MRTFA: variants seen among roughly 807,000 people sequenced by gnomAD.
The protein encoded by MRTFA is myocardin related transcription factor A, also known as myocardin-related transcription factor A.
MRTFA carries 20 observed loss-of-function variants against 83.5 expected under a neutral mutation model. The observed-to-expected ratio is 0.24, with a 90% CI of 0.17 to 0.35. The LOEUF (loss-of-function observed/expected upper bound fraction) is 0.35, where lower values mean the gene tolerates loss of function less well. Among genes scored for constraint, MRTFA ranks in the 10% least tolerant of loss-of-function variants. MRTFA has a pLI of 1.00. For missense variants in MRTFA, 1,200 were observed against 1,224.7 expected (o/e 0.98, Z 0.30); for synonymous variants, 659 against 541.2 (o/e 1.22, Z -3.02).
chr22:40,624,143 T>C (rs929220931), intron 1 of MRTFA, among the ~76,000 whole-genome samples: 6 of 152,016 alleles, frequency 3.9e-5, no homozygotes, highest in Non-Finnish European at 8.8e-5. Context: ...AAAAAGATTG[T>C]CCAGGCACAG....
chr22:40,495,196 A>C (rs1309762583), intron 3 of MRTFA, among the ~76,000 whole-genome samples: 1 of 150,166 alleles, frequency 6.7e-6, no homozygotes, highest in Non-Finnish European at 1.5e-5. Context: ...CAATACAGTG[A>C]GACCCCGTCT....
At chr22:40,533,437 T>C (rs551233066) in intron 3 of MRTFA, among the ~76,000 whole-genome samples, 1 of 152,286 alleles carries the variant, frequency 6.6e-6, no homozygotes, top group East Asian at 1.9e-4. Flanking sequence ...AGAGAAAAAT[T>C]AATAAAAAAC....
intron 4 of MRTFA, among the ~76,000 whole-genome samples, chr22:40,453,415 C>T (rs1017175207): frequency 1.3e-5 from 2 of 152,174 alleles, no homozygotes; most frequent in African/African-American, 2.4e-5. Context: ...GGCAGAGGGC[C>T]AACTGCAAGG....
chr22:40,427,049 C>T (rs1005139478), intron 7 of MRTFA, among the ~76,000 whole-genome samples: 32 of 152,192 alleles, frequency 2.1e-4, no homozygotes, highest in African/African-American at 7.0e-4. Context: ...ATCAGACCTA[C>T]GTGAATTCTT....
intron 3 of MRTFA, among the ~76,000 whole-genome samples, chr22:40,502,665 G>A (rs1471071591): frequency 6.6e-6 from 1 of 150,644 alleles, no homozygotes; most frequent in Non-Finnish European, 1.5e-5. Context: ...GCCGGGCAGA[G>A]GCTGCAATCT....
At chr22:40,457,437 AG>A (rs2053607321) in intron 4 of MRTFA, among the ~76,000 whole-genome samples, 2 of 6,902 alleles carry the variant, frequency 2.9e-4, no homozygotes, top group African/African-American at 9.6e-4. Flanking sequence ...AGAAAGAAAG[AG>A]AAAGAAAGAA....
intron 3 of MRTFA, among the ~76,000 whole-genome samples, chr22:40,476,321 A>G (rs1569286811): frequency 6.6e-6 from 1 of 152,120 alleles, no homozygotes; most frequent in East Asian, 1.9e-4. Context: ...GAGAAGACAG[A>G]TGTCTCTGTG....
At chr22:40,577,273 TATA>T (rs2055881756) in intron 2 of MRTFA, among the ~76,000 whole-genome samples, 1 of 144,670 alleles carries the variant, frequency 6.9e-6, no homozygotes, top group Non-Finnish European at 1.5e-5. Context: ...AAAAAAAGAC[TATA>T]ATGAGATTGA....
intron 3 of MRTFA, among the ~76,000 whole-genome samples, chr22:40,551,124 C>T (rs1602418152): frequency 6.6e-6 from 1 of 151,758 alleles, no homozygotes; most frequent in Non-Finnish European, 1.5e-5. Context: ...GCATGAGTCA[C>T]CGTGCCCAGC....
chr22:40,574,946 G>C (rs1287872220), intron 2 of MRTFA, among the ~76,000 whole-genome samples: 1 of 152,156 alleles, frequency 6.6e-6, no homozygotes, highest in Non-Finnish European at 1.5e-5. Flanking sequence ...GGGACCACCA[G>C]CAGTCCATCT....
intron 1 of MRTFA, among the ~76,000 whole-genome samples, chr22:40,618,436 A>G (rs951611159): frequency 1.3e-5 from 2 of 151,858 alleles, no homozygotes; most frequent in African/African-American, 4.8e-5. Flanking sequence ...CATCTGAGCA[A>G]ACATCTGAAA....
intron 3 of MRTFA, among the ~76,000 whole-genome samples, chr22:40,465,859 C>T (rs1001528584): frequency 6.6e-6 from 1 of 152,220 alleles, no homozygotes; most frequent in Non-Finnish European, 1.5e-5. Flanking sequence ...AGGCACTATG[C>T]CTGGCCAAGA....
Position 40,411,557 on chromosome 22 carries a change from C to T in MRTFA, c.2929G>A (p.Gly977Ser), listed in dbSNP as rs1402173085. The T allele has an allele frequency of 1.2e-6, 2 of 1,613,740 alleles. No homozygotes were observed. The highest frequency in any genetic ancestry group is 2.2e-5 in the South Asian group (2 of 90,998). Residue 977 changes from glycine to serine, a missense_variant, in exon 15 of 15, where the codon GGC (glycine) becomes AGC (serine). Around this residue, in one of 2 missense-constraint regions of MRTFA, gnomAD observed 1,107 missense variants for 1,041.8 expected, o/e 1.06. Transcript: ENST00000355630. ...AGGTGGCCATCAGCCAGGTCCAGGC[C>T]CATGGTGCTGCTGGGCTCAGGAACA... is the stretch of plus-strand genomic sequence containing the variant.
At chr22:40,500,206 G>A (rs1348450034) in intron 3 of MRTFA, among the ~76,000 whole-genome samples, 1 of 150,010 alleles carries the variant, frequency 6.7e-6, no homozygotes, top group African/African-American at 2.4e-5. Context: ...TGGGATTACA[G>A]GCATGAGCCA....
At chr22:40,592,266 CAAA>C (rs398037181) in intron 2 of MRTFA, among the ~76,000 whole-genome samples, 2 of 86,298 alleles carry the variant, frequency 2.3e-5, no homozygotes, top group Non-Finnish European at 2.2e-5. Flanking sequence ...TCAGTCTCTA[CAAA>C]AAAAAAAAAA....
At chr22:40,590,435 G>A (rs1007273604) in intron 2 of MRTFA, among the ~76,000 whole-genome samples, 4 of 151,906 alleles carry the variant, frequency 2.6e-5, no homozygotes, top group Admixed American at 1.3e-4. Context: ...TTGGGAGGTC[G>A]AGGTGGGTGG....
intron 1 of MRTFA, among the ~76,000 whole-genome samples, chr22:40,611,064 T>C (rs1026057424): frequency 3.3e-5 from 5 of 150,638 alleles, no homozygotes; most frequent in Non-Finnish European, 5.9e-5. Flanking sequence ...CAGCCTCCCA[T>C]GTAGCTGGGA....
At chr22:40,505,890 T>C (rs766225609) in intron 3 of MRTFA, among the ~76,000 whole-genome samples, 6 of 152,104 alleles carry the variant, frequency 3.9e-5, no homozygotes, top group Admixed American at 6.6e-5. Context: ...CAGCACAAAA[T>C]GAACTAAGAC....
At chr22:40,528,570 T>C (rs941558574) in intron 3 of MRTFA, among the ~76,000 whole-genome samples, 4 of 151,998 alleles carry the variant, frequency 2.6e-5, no homozygotes, top group African/African-American at 9.7e-5. Flanking sequence ...AAACCCCGTC[T>C]CTACTAAAAA....
Sources: allele counts gnomAD v4.1 joint callset (sites outside exome capture counted in the v4.1 genomes callset), GRCh38; gene constraint gnomAD v4.1.1; regional missense constraint gnomAD v4.1.1; transcripts MANE v1.5; gene names NCBI Gene and HGNC (gene_info 2026-07-23, HGNC 2026-07-21).